ZFR2: variants seen among roughly 807,000 people sequenced by gnomAD.
The protein encoded by ZFR2 is zinc finger RNA-binding protein 2.
ZFR2 carries 104 observed loss-of-function variants against 105.7 expected under a neutral mutation model. That is an observed-to-expected ratio of 0.98 (90% CI 0.84 to 1.16). The LOEUF is 1.16. Among genes scored for constraint, ZFR2 ranks in the 50% most tolerant of loss-of-function variants. The pLI is 0.00. For missense variants in ZFR2, 1,425 were observed against 1,355.5 expected, an observed-to-expected ratio of 1.05 and a Z score of -0.80; for synonymous variants, 634 against 597.7, an observed-to-expected ratio of 1.06 and a Z score of -0.89.
rs1176051825 is a variant in ZFR2, at chr19:3,808,889, G to A, written c.2528C>T (p.Thr843Ile). ...AVRRVLECVA[T>I]GTLLTDGPGL... ...CGACTGACCTGTCAGGAGCGTCCCT[G>A]TGGCCACGCACTCCAGGACTCGCCT... The change falls in exon 17 of 19, where the codon ACA becomes ATA. Residue 843 changes from threonine (T) to isoleucine (I), a missense_variant. Transcript: ENST00000262961. 1.3e-6 allele frequency: 2 copies of A among 1,555,416 alleles called. No homozygotes were observed. The highest frequency in any genetic ancestry group is 1.7e-6 in the Non-Finnish European group (2 of 1,152,270).
rs949449049 is a variant in ZFR2, at chr19:3,868,950, C to G, written c.53+15G>C. 7 of 1,299,720 alleles carry G rather than the reference C, an allele frequency of 5.4e-6. No individual in the cohort carries two copies. The South Asian group carries it at 1.5e-4, about 28-fold the overall frequency. The allele number at this position is 1,299,720 out of a possible 1,614,324, so 80.5% of individuals were successfully genotyped here. Reference sequence around the variant, plus strand: ...GGGCCGGGACTGGCGGGGGCTGGCGCGGCGGGGCAGTTACCTGTACTGCGG... The same window carrying G: ...GGGCCGGGACTGGCGGGGGCTGGCGGGGCGGGGCAGTTACCTGTACTGCGG... On this transcript the variant is annotated intron_variant, in intron 1 of 18. Transcript: ENST00000262961.
intron 1 of ZFR2, among the ~76,000 whole-genome samples, chr19:3,847,582 G>C (rs2038196286): frequency 1.3e-5 from 2 of 152,098 alleles, no homozygotes; most frequent in African/African-American, 4.8e-5. Context: ...GAATCATATA[G>C]CATAACTTCT....
At chr19:3,811,772 G>T (rs542048349) in intron 14 of ZFR2, among the ~76,000 whole-genome samples, 5 of 145,986 alleles carry the variant, frequency 3.4e-5, no homozygotes, top group Admixed American at 6.8e-5. Context: ...TATTTTTTAC[G>T]TATTTAGAGA....
In ZFR2 at chr19:3,805,962, T is replaced by A. The variant is rs1202899230; in HGVS notation, c.2807A>T (p.Glu936Val). 1.3e-6 allele frequency: 2 copies of A among 1,536,096 alleles called. No individual in the cohort carries two copies. The highest frequency in any genetic ancestry group is 2.1e-4 in the Middle Eastern group (1 of 4,874). Residue 936 changes from glutamate to valine, a missense_variant, in exon 19 of 19, where the codon GAG becomes GTG. By Grantham distance (121) the Glu-to-Val change is moderately radical. Coordinates refer to ENST00000262961, the MANE Select transcript of ZFR2 (RefSeq NM_015174.2). ...GEKKRGRRGG[E>V]GLV The stretch of plus-strand genomic sequence containing the variant: ...GAGGTAGGCGGCTCACACGAGCCCC[T>A]CTCCGCCCCGCCGGCCCCGCTTCTT...
intron 1 of ZFR2, among the ~76,000 whole-genome samples, chr19:3,864,712 CTTTCT>C (rs1325153606): frequency 6.6e-6 from 1 of 152,076 alleles, no homozygotes; most frequent in African/African-American, 2.4e-5. Flanking sequence ...CAATGCTAAT[CTTTCT>C]TTTCTTTTCT....
intron 1 of ZFR2, among the ~76,000 whole-genome samples, chr19:3,835,204 T>C (rs2038067379): frequency 1.3e-5 from 2 of 152,184 alleles, no homozygotes; most frequent in Admixed American, 6.5e-5. Context: ...AATTTACAGA[T>C]GAAGAAACTG....
Position 3,831,693 on chromosome 19 carries a change from G to A in ZFR2, c.565C>T (p.Pro189Ser), listed in dbSNP as rs1012658584. The A allele has an allele frequency of 2.5e-6, 4 of 1,574,774 alleles. No homozygotes were observed. The highest frequency in any genetic ancestry group is 2.7e-5 in the African/African-American group (2 of 74,378). ...GCGGTGCAGGTGGGGTTGTAGGAGG[G>A]CGGGGGGTAGGAGGTCACGATGGAA... The part of the protein sequence containing the change: ...SASIVTSYPP[P>S]SYNPTCTAYT... Residue 189 changes from proline (P) to serine (S), a missense_variant, in exon 4 of 19, where the codon CCC (proline) becomes TCC (serine). Physicochemically the swap from Pro to Ser is moderately conservative, Grantham distance 74. Transcript: ENST00000262961.
intron 1 of ZFR2, chr19:3,855,604 A>G (rs1319512273): frequency 6.3e-6 from 3 of 476,362 alleles, no homozygotes; most frequent in African/African-American, 6.0e-5. Context: ...AAATAATTCA[A>G]CGCGATCTGA....
intron 6 of ZFR2, 142 bp downstream of exon 6, chr19:3,827,329 C>T (rs1568423273): frequency 1.2e-5 from 11 of 938,782 alleles, no homozygotes; most frequent in Middle Eastern, 3.4e-4. Context: ...TGGGCCTGGG[C>T]GGCTGGCCCT....
intron 9 of ZFR2, among the ~76,000 whole-genome samples, chr19:3,821,682 C>A (rs889673478): frequency 6.8e-6 from 1 of 146,472 alleles, no homozygotes; most frequent in African/African-American, 2.5e-5. Context: ...GGTGTGACCT[C>A]GGCTCACTGC....
rs367989987 is a variant in ZFR2 at position 3,819,200 on chromosome 19, G to A, written c.1776C>T (p.His592=). The A allele has an allele frequency of 1.6e-5, 25 of 1,575,916 alleles. No homozygotes were observed. The African/African-American group carries it at 2.4e-4, about 15-fold the overall frequency. ...AGATGGTGGCGTGCTTGCACATGAC[G>A]TGCCGGTCGTCGCTGGACGCCGGCC... ...GRRPASSDDR[H]VMCKHATIYP... The change falls in exon 12 of 19, where the codon CAC becomes CAT. Residue 592 remains histidine (H), a synonymous_variant. Transcript: ENST00000262961.
chr19:3,867,142 G>A (rs2038439684), intron 1 of ZFR2, among the ~76,000 whole-genome samples: 1 of 35,268 alleles, frequency 2.8e-5, no homozygotes, highest in African/African-American at 8.8e-5. Flanking sequence ...GGAACACCGC[G>A]GGGGGCAAAG....
At chr19:3,854,479 A>T (rs1361911186) in intron 1 of ZFR2, among the ~76,000 whole-genome samples, 1 of 152,180 alleles carries the variant, frequency 6.6e-6, no homozygotes, top group Non-Finnish European at 1.5e-5. Flanking sequence ...ATTCAGAGAC[A>T]CCTGTGGTAG....
At chr19:3,852,174 GT>G in intron 1 of ZFR2, 1 of 446,874 alleles carries the variant, frequency 2.2e-6, no homozygotes, top group Non-Finnish European at 4.1e-6. Flanking sequence ...GCTCAGCTGG[GT>G]GGCTCTCCTG....
intron 1 of ZFR2, among the ~76,000 whole-genome samples, chr19:3,850,670 C>T (rs995639248): frequency 1.1e-4 from 16 of 151,416 alleles, no homozygotes; most frequent in African/African-American, 3.6e-4. Context: ...TCACTTGAGC[C>T]CAGGAGTTAG....
chr19:3,846,067 C>G (rs2038181731), intron 1 of ZFR2, among the ~76,000 whole-genome samples: 1 of 152,248 alleles, frequency 6.6e-6, no homozygotes, highest in South Asian at 2.1e-4. Flanking sequence ...ACCTCTGCCC[C>G]CCAGGTTCAA....
chr19:3,843,929 A>G (rs1204230239), intron 1 of ZFR2, among the ~76,000 whole-genome samples: 1 of 148,608 alleles, frequency 6.7e-6, no homozygotes, highest in African/African-American at 2.5e-5. Flanking sequence ...GAGAGAAGCC[A>G]GGCACAGAAG....
intron 15 of ZFR2, among the ~76,000 whole-genome samples, 166 bp downstream of exon 15, chr19:3,811,106 G>T (rs1488378258): frequency 6.6e-6 from 1 of 152,232 alleles, no homozygotes; most frequent in African/African-American, 2.4e-5. Context: ...CCAGGAGCCA[G>T]CGTTGGTTGT....
intron 3 of ZFR2, among the ~76,000 whole-genome samples, chr19:3,832,396 A>G (rs1316947832): frequency 6.6e-6 from 1 of 151,072 alleles, no homozygotes; most frequent in Admixed American, 6.6e-5. Flanking sequence ...ATCTCGGCTC[A>G]CTGCAACCTC....
Sources: allele counts gnomAD v4.1 joint callset (sites outside exome capture counted in the v4.1 genomes callset), GRCh38; gene constraint gnomAD v4.1.1; transcripts MANE v1.5; gene names NCBI Gene and HGNC (gene_info 2026-07-23, HGNC 2026-07-21).